The following SPTAN1 variants were observed in gnomAD, a reference collection of about 807,000 sequenced individuals.
SPTAN1 encodes the protein spectrin alpha, non-erythrocytic 1.
Under a neutral mutation model 331.3 loss-of-function variants are expected in SPTAN1, and 61 were observed. The ratio of observed to expected loss-of-function variants is 0.18; its 90% CI spans 0.15 to 0.23. The LOEUF is 0.23. SPTAN1 is among the 10% of genes least tolerant of loss of function. SPTAN1 has a pLI of 1.00. For synonymous variants in SPTAN1, 1,153 were observed against 1,173.9 expected (o/e 0.98, Z 0.36); for missense variants, 2,043 against 3,147.9 (o/e 0.65, Z 8.40).
At chr9:128,623,274 T>C (rs966229627) in intron 45 of SPTAN1, among the ~76,000 whole-genome samples, 2 of 151,478 alleles carry the variant, frequency 1.3e-5, no homozygotes, top group African/African-American at 4.9e-5. Context: ...CTCACTATGT[T>C]ATGTTGCCCA....
chr9:128,623,478 C>CA (rs1201365936), intron 45 of SPTAN1, among the ~76,000 whole-genome samples: 2 of 149,312 alleles, frequency 1.3e-5, no homozygotes, highest in Non-Finnish European at 3.0e-5. Flanking sequence ...TTGTTTGAGA[C>CA]AGAGTCTTGC....
chr9:128,616,337 C>T (rs1443697976), intron 41 of SPTAN1, among the ~76,000 whole-genome samples: 1 of 151,570 alleles, frequency 6.6e-6, no homozygotes, highest in African/African-American at 2.4e-5. Flanking sequence ...AGGCTAGTCT[C>T]GAGCTGACCT....
intron 11 of SPTAN1, 72 bp from the exon 12 acceptor site, chr9:128,581,710 C>T (rs751573713): frequency 3.1e-5 from 39 of 1,238,820 alleles, no homozygotes; most frequent in Non-Finnish European, 4.3e-5. Flanking sequence ...GGCCAAAATA[C>T]CCTTTGCTTC....
chr9:128,561,662 CAAAAAAAAAAAAAAAAAAAAAAA>C (rs762156669), intron 1 of SPTAN1, among the ~76,000 whole-genome samples: 1 of 15,986 alleles, frequency 6.3e-5, no homozygotes, highest in Non-Finnish European at 1.3e-4. Context: ...GACTCCGTCT[CAAAAAAAAAAAAAAAAAAAAAAA>C]AAAGAATATG....
At chr9:128,605,734 A>G (rs573907913) in intron 31 of SPTAN1, among the ~76,000 whole-genome samples, 3 of 152,248 alleles carry the variant, frequency 2.0e-5, no homozygotes, top group African/African-American at 4.8e-5. Flanking sequence ...GCTCACGTCT[A>G]TAACCCCAGC....
chr9:128,579,545 C>G lies in SPTAN1; in HGVS notation c.1222-92C>G, dbSNP rs921302001. 8 of 946,236 alleles carry G rather than the reference C, an allele frequency of 8.5e-6. No homozygotes were observed. In the African/African-American group the frequency reaches 1.3e-4, roughly 15 times the overall value. The allele number at this position is 946,236 out of a possible 1,614,324, so 58.6% of individuals were successfully genotyped here. On this transcript the variant is annotated intron_variant, in intron 9 of 56. Coordinates refer to ENST00000372739, the MANE Select transcript of SPTAN1 (RefSeq NM_001130438.3). ...TGTTTCTCATTTTAGATGTCATAGT[C>G]TGGCTTATAATGCTTATGTAAAATT...
In SPTAN1 at chr9:128,577,150, T is replaced by C. The variant is rs773459701; in HGVS notation, c.807T>C (p.Ser269=). Residue 269 remains serine, a synonymous_variant, in exon 7 of 57, where the codon AGT becomes AGC. Coordinates refer to ENST00000372739, the MANE Select transcript of SPTAN1 (RefSeq NM_001130438.3). The surrounding 1 kb of genome is among the most constrained non-coding windows in gnomAD (Gnocchi z 4.2). ...RFNRDVDETI[S]WIKEKEQLMA... is the part of the protein sequence containing the mutation. ...GTAGGGATGTGGATGAGACTATCAG[T>C]TGGATTAAGGAAAAGGAGCAGTTAA... 5.0e-6 allele frequency: 8 copies of C among 1,614,022 alleles called. No homozygotes were observed. Among genetic ancestry groups the C allele is most frequent in the Non-Finnish European group, 6.8e-6 (8 of 1,180,002 alleles).
intron 26 of SPTAN1, chr9:128,599,737 T>C (rs868299765): frequency 4.0e-6 from 1 of 249,560 alleles, no homozygotes; most frequent in Non-Finnish European, 7.6e-6. Context: ...TCTAAAACTT[T>C]TTCTATAGCT....
In SPTAN1 at chr9:128,627,999, C is replaced by A. The variant is rs1450819754; in HGVS notation, c.6707+57C>A. ...GTCATGTGGGGGTCTCGTGCGCTTGCCCCTCGTGGCCTGGCTTGTGGAGGA... is the reference window on the plus strand; with the variant it reads ...GTCATGTGGGGGTCTCGTGCGCTTGACCCTCGTGGCCTGGCTTGTGGAGGA... On this transcript the variant is annotated intron_variant, in intron 51 of 56. Transcript: ENST00000372739. This position sits in a 1 kb window ranked among gnomAD's most constrained non-coding sequence, Gnocchi z 4.9. 6.2e-7 allele frequency: 1 copy of A among 1,608,868 alleles called. No homozygotes were observed. The highest frequency in any genetic ancestry group is 1.3e-5 in the African/African-American group (1 of 74,886).
At chr9:128,623,538 C>T (rs539173896) in intron 45 of SPTAN1, among the ~76,000 whole-genome samples, 2 of 151,976 alleles carry the variant, frequency 1.3e-5, no homozygotes, top group South Asian at 2.1e-4. Context: ...TCACTGCAGC[C>T]TCCACCTCCC....
chr9:128,579,745 G>A lies in SPTAN1; in HGVS notation c.1323+7G>A. 6.2e-7 allele frequency: 1 copy of A among 1,612,028 alleles called. No individual in the cohort carries two copies. The highest frequency in any genetic ancestry group is 1.1e-5 in the South Asian group (1 of 91,008). The stretch of plus-strand genomic sequence containing the variant: ...AGATGAAGTGAGGGAGAAGGTAAGA[G>A]AAGAGAAATGGAGCTTTTGAGGAGC... On this transcript the variant is annotated splice_region_variant and intron_variant, in intron 10 of 56. Coordinates refer to ENST00000372739, the MANE Select transcript of SPTAN1 (RefSeq NM_001130438.3).
Position 128,607,607 on chromosome 9 carries a change from C to T in SPTAN1, c.4050C>T (p.Asp1350=). The change falls in exon 32 of 57, where the codon GAC becomes GAT. Residue 1350 remains aspartate, a synonymous_variant. Coordinates refer to ENST00000372739, the MANE Select transcript of SPTAN1 (RefSeq NM_001130438.3). The part of the protein sequence containing the change: ...DLQRFLSDFR[D]LMSWINGIRG... ...TTTCTGGGGTGCTGGTTTCCAGGGACCTCATGTCTTGGATCAATGGAATAC... is the reference window on the plus strand; with the variant it reads ...TTTCTGGGGTGCTGGTTTCCAGGGATCTCATGTCTTGGATCAATGGAATAC... The T allele has an allele frequency of 6.2e-7, 1 of 1,613,760 alleles. No individual in the cohort carries two copies. The highest frequency in any genetic ancestry group is 2.2e-5 in the East Asian group (1 of 44,870).
At chr9:128,631,655 G>A (rs544234739) in intron 52 of SPTAN1, 97 of 183,424 alleles carry the variant, frequency 5.3e-4, no homozygotes, top group African/African-American at 2.2e-3. Flanking sequence ...GTGAAACATC[G>A]CCTCTACTAA....
At chr9:128,617,363 G>T (rs528354428) in intron 41 of SPTAN1, among the ~76,000 whole-genome samples, 1 of 152,008 alleles carries the variant, frequency 6.6e-6, no homozygotes, top group Admixed American at 6.5e-5. Flanking sequence ...ATTTGATAGG[G>T]CTCCTCAGGG....
rs1286936741 is a variant in SPTAN1 at position 128,625,895 on chromosome 9, C to T, written c.6196C>T (p.Leu2066Phe). 1.9e-5 allele frequency: 30 copies of T among 1,614,104 alleles called. No homozygotes were observed. The highest frequency in any genetic ancestry group is 2.4e-5 in the Non-Finnish European group (28 of 1,180,046). Residue 2066 changes from leucine to phenylalanine, a missense_variant, in exon 48 of 57, where the codon CTC becomes TTC. By Grantham distance (22) the Leu-to-Phe change is conservative (BLOSUM62 0). This residue lies in a region of SPTAN1 where 256 missense variants were observed against 376.4 expected (regional missense o/e 0.68). Transcript: ENST00000372739. The surrounding 1 kb of genome is among the most constrained non-coding windows in gnomAD (Gnocchi z 4.1). ...SKAIEARHAS[L>F]MKRWSQLLAN... ...GGCCATCGAGGCCCGGCACGCCTCC[C>T]TCATGAAGAGGTGGAGCCAGCTTCT...
At chr9:128,617,942 C>A (rs747994166) in intron 42 of SPTAN1, 45 bp from the exon 43 acceptor site, 11 of 1,613,916 alleles carry the variant, frequency 6.8e-6, no homozygotes, top group East Asian at 2.2e-5. Context: ...GACAGAAGCA[C>A]CAGAAGAGCT....
chr9:128,574,013 A>G (rs2130953191), intron 3 of SPTAN1, among the ~76,000 whole-genome samples: 1 of 152,244 alleles, frequency 6.6e-6, no homozygotes, highest in Non-Finnish European at 1.5e-5. Flanking sequence ...TCGGCCTCCC[A>G]AAGTGCTGGA....
chr9:128,590,683 C>G (rs1853367688), intron 21 of SPTAN1, among the ~76,000 whole-genome samples: 2 of 151,680 alleles, frequency 1.3e-5, no homozygotes, highest in African/African-American at 4.9e-5. Flanking sequence ...AACCCCGTCT[C>G]TACTAAAATA....
At chr9:128,619,439 C>T (rs932620834) in intron 44 of SPTAN1, among the ~76,000 whole-genome samples, 6 of 152,230 alleles carry the variant, frequency 3.9e-5, no homozygotes, top group Admixed American at 3.9e-4. Flanking sequence ...CCATGTTCTG[C>T]AAACCTGTAG....
Sources: allele counts gnomAD v4.1 joint callset (sites outside exome capture counted in the v4.1 genomes callset), GRCh38; gene constraint gnomAD v4.1.1; regional missense constraint gnomAD v4.1.1; non-coding constraint Gnocchi (gnomAD v3.1); transcripts MANE v1.5; gene names NCBI Gene and HGNC (gene_info 2026-07-23, HGNC 2026-07-21).